Variants in DNAH10 observed in about 807,000 individuals in gnomAD.
The protein encoded by DNAH10 is axonemal beta dynein heavy chain 10.
DNAH10 carries 348 observed loss-of-function variants against 506.6 expected under a neutral mutation model. The observed-to-expected ratio is 0.69, with a 90% CI of 0.63 to 0.75. The LOEUF (loss-of-function observed/expected upper bound fraction) is 0.75, where lower values mean the gene tolerates loss of function less well. Among genes scored for constraint, DNAH10 ranks in the 30% least tolerant of loss-of-function variants. The pLI is 0.00. For missense variants in DNAH10, 5,179 were observed against 5,787.1 expected (o/e 0.89, Z 3.41); for synonymous variants, 2,059 against 2,198.6 (o/e 0.94, Z 1.78).
At chr12:123,827,968 C>T (rs1048827074) in intron 25 of DNAH10, among the ~76,000 whole-genome samples, 8 of 152,074 alleles carry the variant, frequency 5.3e-5, no homozygotes, top group African/African-American at 1.4e-4. Context: ...CTAAAGTTCT[C>T]GGTTTTATAA....
At chr12:123,764,573 G>GT (rs1344736617) in intron 1 of DNAH10, among the ~76,000 whole-genome samples, 1 of 152,150 alleles carries the variant, frequency 6.6e-6, no homozygotes, top group Non-Finnish European at 1.5e-5. Context: ...TCTGTTAACG[G>GT]TGGGGTGGCT....
At chr12:123,788,037 C>G (rs768691327) in intron 10 of DNAH10, 35 bp downstream of exon 10, 31 of 1,550,830 alleles carry the variant, frequency 2.0e-5, no homozygotes, top group Non-Finnish European at 2.5e-5. Flanking sequence ...GAATTTGCCC[C>G]GAAGAAGGCA....
At chr12:123,908,238 CCTGT>C in intron 57 of DNAH10, 1 of 428,530 alleles carries the variant, frequency 2.3e-6, no homozygotes, top group South Asian at 1.7e-5. Flanking sequence ...CTGTCTCCTC[CCTGT>C]CTCTCTGTCT....
chr12:123,791,062 G>A (rs565450289), intron 11 of DNAH10, among the ~76,000 whole-genome samples: 1 of 152,178 alleles, frequency 6.6e-6, no homozygotes, highest in Non-Finnish European at 1.5e-5. Flanking sequence ...GGGAGGCTGA[G>A]GTCACAGTGA....
intron 57 of DNAH10, among the ~76,000 whole-genome samples, chr12:123,905,989 C>T (rs1953756892): frequency 6.6e-6 from 1 of 151,754 alleles, no homozygotes; most frequent in Non-Finnish European, 1.5e-5. Context: ...ACGATCTCGG[C>T]TCACTGCAAC....
intron 65 of DNAH10, chr12:123,923,167 A>G (rs948380822): frequency 6.6e-6 from 1 of 152,354 alleles, no homozygotes; most frequent in East Asian, 1.9e-4. Flanking sequence ...GTCCTCTGCA[A>G]TAGAGGTTGG....
chr12:123,842,456 G>A (rs534355638), intron 30 of DNAH10, among the ~76,000 whole-genome samples: 2 of 152,320 alleles, frequency 1.3e-5, no homozygotes, highest in South Asian at 4.1e-4. Context: ...CCCCCGTAAA[G>A]TTGGAGAATA....
At chr12:123,838,221 T>C (rs1270706750) in intron 28 of DNAH10, among the ~76,000 whole-genome samples, 2 of 152,104 alleles carry the variant, frequency 1.3e-5, no homozygotes, top group Non-Finnish European at 2.9e-5. Flanking sequence ...TCTTACGGGA[T>C]AACGAAAAGA....
At chr12:123,775,705 A>G (rs1450796875) in intron 5 of DNAH10, among the ~76,000 whole-genome samples, 1 of 152,150 alleles carries the variant, frequency 6.6e-6, no homozygotes, top group Non-Finnish European at 1.5e-5. Context: ...GGGGAACAAC[A>G]GGATCTGGTT....
intron 66 of DNAH10, 90 bp from the exon 67 acceptor site, chr12:123,924,188 C>G: frequency 6.8e-7 from 1 of 1,460,104 alleles, no homozygotes; most frequent in Admixed American, 2.6e-5. Flanking sequence ...GAAAAGTGGA[C>G]TTTTCCCAAA....
chr12:123,809,108 A>G (rs894111106), intron 19 of DNAH10, among the ~76,000 whole-genome samples, 155 bp downstream of exon 19: 1 of 152,142 alleles, frequency 6.6e-6, no homozygotes, highest in South Asian at 2.1e-4. Context: ...TCCCCACTTC[A>G]GGAAATGGCA....
intron 24 of DNAH10, among the ~76,000 whole-genome samples, chr12:123,823,665 A>C (rs1959663467): frequency 1.3e-5 from 2 of 152,220 alleles, no homozygotes; most frequent in African/African-American, 4.8e-5. Flanking sequence ...GGATACATAG[A>C]TGTTTTGACA....
intron 14 of DNAH10, 115 bp from the exon 15 acceptor site, chr12:123,800,101 G>A (rs112825386): frequency 3.1e-5 from 29 of 945,182 alleles, no homozygotes; most frequent in African/African-American, 1.5e-4. Context: ...CAGCACCCCC[G>A]TCTGGTGAAG....
intron 56 of DNAH10, among the ~76,000 whole-genome samples, chr12:123,900,533 G>A (rs183811005): frequency 6.6e-6 from 1 of 152,306 alleles, no homozygotes; most frequent in Admixed American, 6.5e-5. Flanking sequence ...TCTCCTACCT[G>A]TGCTTGTTTT....
At chr12:123,883,344 G>A (rs78780195) in intron 51 of DNAH10, among the ~76,000 whole-genome samples, 6,325 of 152,250 alleles carry the variant, frequency 0.042, 176 homozygotes, top group Non-Finnish European at 0.062. Context: ...GTTCCTGTTT[G>A]TCCACACCAT....
In DNAH10 at chr12:123,785,695, T is replaced by G. The variant is rs370339336; in HGVS notation, c.1231-51T>G. On this transcript the variant is annotated intron_variant, in intron 8 of 78. Coordinates refer to ENST00000673944, the MANE Select transcript of DNAH10 (RefSeq NM_001372106.1). This position sits in a 1 kb window ranked among gnomAD's most constrained non-coding sequence, Gnocchi z 4.1. ...CATGCTTACTGTTTTATGAAACTAT[T>G]TGGACCCCAAGGCTAAGGGCTCTTG... 420 of 1,438,108 alleles carry G rather than the reference T, an allele frequency of 2.9e-4. 1 individual carries two copies. The highest frequency in any genetic ancestry group is 3.7e-4 in the Non-Finnish European group (399 of 1,077,166). 89.1% of individuals were successfully genotyped at this position (1,438,108 alleles called of 1,614,324 possible).
chr12:123,926,885 G>A lies in DNAH10; in HGVS notation c.12105+65G>A. 6.4e-7 allele frequency: 1 copy of A among 1,566,056 alleles called. No homozygotes were observed. The highest frequency in any genetic ancestry group is 8.6e-7 in the Non-Finnish European group (1 of 1,160,914). On this transcript the variant is annotated intron_variant, in intron 69 of 78. Transcript: ENST00000673944. The surrounding 1 kb of genome is among the most constrained non-coding windows in gnomAD (Gnocchi z 4.1). The stretch of plus-strand genomic sequence containing the variant: ...GAGGTCCCTGGTGTCTGCTAAGAAG[G>A]AGCTAACCTGGGTTTAAGCTGAGTG...
chr12:123,934,479 A>G, intron 77 of DNAH10, 142 bp from the exon 78 acceptor site: 1 of 1,018,734 alleles, frequency 9.8e-7, no homozygotes, highest in Non-Finnish European at 1.5e-6. Context: ...GAAATGCTGG[A>G]GAAGGGCCTG....
chr12:123,776,966 A>AT (rs1357583709), intron 5 of DNAH10, among the ~76,000 whole-genome samples: 5 of 152,310 alleles, frequency 3.3e-5, no homozygotes, highest in African/African-American at 1.2e-4. Context: ...ATAGGAAAGA[A>AT]AAAGGAAACA....
Sources: gnomAD v4.1 joint callset for allele counts (sites outside exome capture counted in the v4.1 genomes callset) on GRCh38, gnomAD v4.1.1 for gene constraint, Gnocchi (gnomAD v3.1) non-coding constraint, MANE v1.5 for transcripts, NCBI Gene and HGNC (gene_info 2026-07-23, HGNC 2026-07-21) for gene names.